The following NPTN variants were observed in gnomAD, a reference collection of about 807,000 sequenced individuals.
NPTN encodes SDR-1.
In NPTN, 5 loss-of-function variants were observed where a neutral mutation model predicts 42.7. The observed-to-expected ratio is 0.12, with a 90% CI of 0.06 to 0.25. NPTN has a LOEUF of 0.25. Ranked by LOEUF, NPTN falls within the 10% of genes least tolerant of loss-of-function variation. The pLI is 1.00. For synonymous variants in NPTN, 180 were observed against 201.9 expected (o/e 0.89, Z 0.92); for missense variants, 307 against 525.4 (o/e 0.58, Z 4.06).
Position 73,597,975 on chromosome 15 carries a change from G to C in NPTN, c.92-606C>G, listed in dbSNP as rs1189196989. 6.6e-6 allele frequency among the ~76,000 whole-genome samples: 1 copy of C among 152,180 alleles called. No individual in the cohort carries two copies. Among genetic ancestry groups the C allele is most frequent in the African/African-American group, 2.4e-5 (1 of 41,444 alleles). ...TCACACAGGATTCTATCCTGGGTTC[G>C]ATTAGACTTTCTCCACCTCCTATTC... On this transcript the variant is annotated intron_variant, in intron 1 of 8. Coordinates refer to ENST00000345330, the MANE Select transcript of NPTN (RefSeq NM_012428.4). The surrounding 1 kb of genome is among the most constrained non-coding windows in gnomAD (Gnocchi z 6.3).
intron 1 of NPTN, among the ~76,000 whole-genome samples, chr15:73,625,563 C>T (rs545644883): frequency 6.6e-6 from 1 of 152,186 alleles, no homozygotes; most frequent in South Asian, 2.1e-4. Flanking sequence ...GATCTCCTGA[C>T]CTCGTGATCC....
intron 6 of NPTN, among the ~76,000 whole-genome samples, chr15:73,564,367 C>T (rs1317241051): frequency 1.3e-5 from 2 of 152,150 alleles, no homozygotes; most frequent in Non-Finnish European, 2.9e-5. Flanking sequence ...TCTGCAGGAG[C>T]ACATGTCGGG....
At chr15:73,587,463 C>A in intron 4 of NPTN, 61 bp downstream of exon 4, 2 of 1,219,296 alleles carry the variant, frequency 1.6e-6, no homozygotes, top group Non-Finnish European at 2.4e-6. Flanking sequence ...GGACTCCAGA[C>A]CAAGGTACTG....
chr15:73,564,576 G>GT (rs1487451295), intron 6 of NPTN, among the ~76,000 whole-genome samples: 1 of 152,148 alleles, frequency 6.6e-6, no homozygotes. Context: ...ACTAACAACA[G>GT]TATACACTAT....
intron 4 of NPTN, among the ~76,000 whole-genome samples, chr15:73,577,217 G>A (rs975201554): frequency 4.6e-5 from 7 of 152,206 alleles, no homozygotes; most frequent in Non-Finnish European, 8.8e-5. Context: ...AGCCAGGCCT[G>A]CATGAGTACA....
In NPTN at chr15:73,597,941, A is replaced by G. The variant is rs148333813; in HGVS notation, c.92-572T>C. ...CAAATTTCAACTGAAAGAGTAGCAA[A>G]TTTCTCTCTCACACAGGATTCTATC... is the stretch of plus-strand genomic sequence containing the variant. On this transcript the variant is annotated intron_variant, in intron 1 of 8. Coordinates refer to ENST00000345330, the MANE Select transcript of NPTN (RefSeq NM_012428.4). The surrounding 1 kb of genome is among the most constrained non-coding windows in gnomAD (Gnocchi z 6.3). Among the ~76,000 whole-genome samples the G allele has an allele frequency of 6.6e-6, 1 of 152,240 alleles. No homozygotes were observed. The highest frequency in any genetic ancestry group is 2.4e-5 in the African/African-American group (1 of 41,546).
At chr15:73,593,194 T>C (rs1896678994) in intron 2 of NPTN, among the ~76,000 whole-genome samples, 1 of 152,228 alleles carries the variant, frequency 6.6e-6, no homozygotes. Flanking sequence ...TTAAAATCAC[T>C]CTATATTATT....
chr15:73,624,963 A>G (rs1898322985), intron 1 of NPTN, among the ~76,000 whole-genome samples: 1 of 152,248 alleles, frequency 6.6e-6, no homozygotes, highest in South Asian at 2.1e-4. Context: ...TATAATGGCT[A>G]ATGTATAAAT....
rs531663069 is a variant in NPTN at position 73,570,919 on chromosome 15, G to A, written c.841-496C>T. Among the ~76,000 whole-genome samples, 31 of 152,308 alleles carry A rather than the reference G, an allele frequency of 2.0e-4. 2 individuals are homozygous for A. The highest frequency in any genetic ancestry group is 1.7e-3 in the Admixed American group (26 of 15,304). On this transcript the variant is annotated intron_variant, in intron 5 of 8. Coordinates refer to ENST00000345330, the MANE Select transcript of NPTN (RefSeq NM_012428.4). This position sits in a 1 kb window ranked among gnomAD's most constrained non-coding sequence, Gnocchi z 4.0. The stretch of plus-strand genomic sequence containing the variant: ...CTAAGAACTCACTCCTAGTCAGACT[G>A]GGGGAAATTCATAACTTTCCTTTCA...
chr15:73,633,239 G>A lies in NPTN; in HGVS notation c.-24C>T. The A allele has an allele frequency of 1.4e-6, 2 of 1,473,432 alleles. No individual in the cohort carries two copies. The highest frequency in any genetic ancestry group is 2.6e-5 in the South Asian group (2 of 77,474). The allele number at this position is 1,473,432 out of a possible 1,614,324, so 91.3% of individuals were successfully genotyped here. ...ATCCTCCCTAGCAGAAGACCCAACAGCGAATGGGCCGGGGCCAGAGCCGGG... is the reference window on the plus strand; with the variant it reads ...ATCCTCCCTAGCAGAAGACCCAACAACGAATGGGCCGGGGCCAGAGCCGGG... On this transcript the variant is annotated 5_prime_UTR_variant, in exon 1 of 9. Transcript: ENST00000345330.
intron 1 of NPTN, among the ~76,000 whole-genome samples, chr15:73,631,198 A>G (rs150238133): frequency 1.4e-4 from 22 of 152,224 alleles, no homozygotes; most frequent in Non-Finnish European, 2.9e-4. Flanking sequence ...AAGATCAAGA[A>G]TCTCTCACCT....
At chr15:73,625,963 T>G (rs1898383794) in intron 1 of NPTN, among the ~76,000 whole-genome samples, 1 of 152,214 alleles carries the variant, frequency 6.6e-6, no homozygotes. Flanking sequence ...AACACAATGT[T>G]TCTAAGGAAT....
At chr15:73,618,447 G>C (rs908813502) in intron 1 of NPTN, among the ~76,000 whole-genome samples, 1 of 152,072 alleles carries the variant, frequency 6.6e-6, no homozygotes, top group African/African-American at 2.4e-5. Context: ...GTCTAAAAAG[G>C]ATTAAAATAG....
intron 2 of NPTN, among the ~76,000 whole-genome samples, chr15:73,594,836 A>G (rs190164816): frequency 1.9e-4 from 29 of 152,236 alleles, no homozygotes; most frequent in African/African-American, 5.3e-4. Flanking sequence ...AGCTTTGGGG[A>G]AAGTACTACC....
chr15:73,567,075 A>C, intron 6 of NPTN: 1 of 980,888 alleles, frequency 1.0e-6, no homozygotes, highest in Non-Finnish European at 1.2e-6. Context: ...GAGAAATCTA[A>C]ATATTTGATT....
At chr15:73,620,678 A>T (rs1480728688) in intron 1 of NPTN, among the ~76,000 whole-genome samples, 2 of 152,194 alleles carry the variant, frequency 1.3e-5, no homozygotes, top group Non-Finnish European at 2.9e-5. Flanking sequence ...ATCATCACTT[A>T]ATTTTCCAGG....
chr15:73,624,631 A>G (rs1898305292), intron 1 of NPTN, among the ~76,000 whole-genome samples: 1 of 150,722 alleles, frequency 6.6e-6, no homozygotes, highest in Admixed American at 6.6e-5. Context: ...CCACTACTCT[A>G]GGATCTTAAA....
At chr15:73,598,854 G>GA (rs1246854833) in intron 1 of NPTN, among the ~76,000 whole-genome samples, 1 of 152,158 alleles carries the variant, frequency 6.6e-6, no homozygotes, top group African/African-American at 2.4e-5. Flanking sequence ...TTACTAAGTG[G>GA]AAAAATTCCT....
Position 73,600,221 on chromosome 15 carries a change from T to C in NPTN, c.92-2852A>G, listed in dbSNP as rs561869650. 3.3e-5 allele frequency among the ~76,000 whole-genome samples: 5 copies of C among 152,286 alleles called. No individual in the cohort carries two copies. The South Asian group carries it at 1.0e-3, about 32-fold the overall frequency. ...AATTTTCTACCTGTATCAAGGAAAA[T>C]GGGACCAAGACAAAAATGTTCTTTG... On this transcript the variant is annotated intron_variant, in intron 1 of 8. Transcript: ENST00000345330.
Sources: allele counts gnomAD v4.1 joint callset (sites outside exome capture counted in the v4.1 genomes callset), GRCh38; gene constraint gnomAD v4.1.1; non-coding constraint Gnocchi (gnomAD v3.1); transcripts MANE v1.5; gene names NCBI Gene and HGNC (gene_info 2026-07-23, HGNC 2026-07-21).